RANBP17: variants seen among roughly 807,000 people sequenced by gnomAD.
RANBP17 encodes the protein RAN binding protein 17.
RANBP17 carries 158 observed loss-of-function variants against 141.2 expected under a neutral mutation model. The observed-to-expected ratio is 1.12, with a 90% CI of 0.98 to 1.28. RANBP17 has a LOEUF of 1.28. Ranked by LOEUF, RANBP17 falls within the 50% of genes most tolerant of loss-of-function variation. The pLI, the probability that RANBP17 is intolerant of heterozygous loss-of-function variation, is 0.00. For synonymous variants in RANBP17, 430 were observed against 450.0 expected, an observed-to-expected ratio of 0.96 and a Z score of 0.56; for missense variants, 1,438 against 1,290.7, an observed-to-expected ratio of 1.11 and a Z score of -1.75.
At chr5:171,181,019 C>A (rs928800721) in intron 16 of RANBP17, among the ~76,000 whole-genome samples, 5 of 152,172 alleles carry the variant, frequency 3.3e-5, no homozygotes, top group African/African-American at 9.7e-5. Context: ...TTGGTAATTA[C>A]TTAAGATATT....
intron 14 of RANBP17, among the ~76,000 whole-genome samples, chr5:171,161,871 TG>T (rs1224100116): frequency 6.6e-6 from 1 of 152,234 alleles, no homozygotes; most frequent in Non-Finnish European, 1.5e-5. Context: ...TGTTTCTGGC[TG>T]ACACCTTTAG....
At chr5:171,296,643 T>G in intron 27 of RANBP17, among the ~76,000 whole-genome samples, 1 of 152,250 alleles carries the variant, frequency 6.6e-6, no homozygotes, top group East Asian at 1.9e-4. Context: ...CTGGGCACAG[T>G]GGCTCACGCC....
At chr5:171,127,503 T>G (rs1266384661) in intron 14 of RANBP17, among the ~76,000 whole-genome samples, 1 of 152,080 alleles carries the variant, frequency 6.6e-6, no homozygotes, top group African/African-American at 2.4e-5. Flanking sequence ...GCAAGGAATG[T>G]AAACAACAGG....
chr5:170,947,730 G>A (rs993220065), intron 12 of RANBP17, among the ~76,000 whole-genome samples: 1 of 151,974 alleles, frequency 6.6e-6, no homozygotes, highest in Non-Finnish European at 1.5e-5. Context: ...TATCTAGTTG[G>A]GCATTTCTCT....
intron 1 of RANBP17, among the ~76,000 whole-genome samples, chr5:170,876,113 C>T (rs556902307): frequency 3.0e-4 from 46 of 152,140 alleles, no homozygotes; most frequent in Non-Finnish European, 5.4e-4. Flanking sequence ...GAGACAGGTG[C>T]CTGTTCCTTT....
At chr5:170,900,064 T>A (rs935396813) in intron 5 of RANBP17, among the ~76,000 whole-genome samples, 2 of 152,202 alleles carry the variant, frequency 1.3e-5, no homozygotes, top group Non-Finnish European at 2.9e-5. Context: ...TCTTTTTCTG[T>A]TGATTGAAAT....
intron 14 of RANBP17, among the ~76,000 whole-genome samples, chr5:170,982,113 A>G (rs1777815849): frequency 6.6e-6 from 1 of 152,228 alleles, no homozygotes; most frequent in Non-Finnish European, 1.5e-5. Context: ...TAGACACTTT[A>G]CAACTCTTAG....
chr5:171,202,003 T>A (rs966511192), intron 19 of RANBP17, among the ~76,000 whole-genome samples: 3 of 152,240 alleles, frequency 2.0e-5, no homozygotes, highest in Non-Finnish European at 4.4e-5. Flanking sequence ...CAAATTCATT[T>A]AATTTGCACC....
chr5:171,014,178 C>A (rs1423954609), intron 14 of RANBP17, among the ~76,000 whole-genome samples: 1 of 151,904 alleles, frequency 6.6e-6, no homozygotes, highest in African/African-American at 2.4e-5. Flanking sequence ...CATGGTATAT[C>A]TTTTTTTCAT....
At chr5:170,993,427 AAG>A (rs1411301321) in intron 14 of RANBP17, among the ~76,000 whole-genome samples, 1 of 152,050 alleles carries the variant, frequency 6.6e-6, no homozygotes, top group Non-Finnish European at 1.5e-5. Flanking sequence ...TTTTAAAGAA[AAG>A]TACTTGAGAC....
intron 14 of RANBP17, among the ~76,000 whole-genome samples, chr5:171,151,811 T>G (rs1215485063): frequency 1.3e-5 from 2 of 152,182 alleles, no homozygotes; most frequent in Admixed American, 1.3e-4. Context: ...TTGACATTTC[T>G]TTTCAATTGC....
intron 13 of RANBP17, among the ~76,000 whole-genome samples, chr5:170,957,761 T>A (rs1775833921): frequency 6.6e-6 from 1 of 152,184 alleles, no homozygotes; most frequent in Admixed American, 6.5e-5. Context: ...TGGGTTAGAT[T>A]AGCTTTGTTT....
intron 18 of RANBP17, among the ~76,000 whole-genome samples, chr5:171,191,546 G>A (rs1194589752): frequency 1.3e-5 from 2 of 152,108 alleles, no homozygotes; most frequent in Non-Finnish European, 2.9e-5. Context: ...AATTAGCCAG[G>A]CGTCATGGCG....
chr5:171,298,798 G>A lies in RANBP17; in HGVS notation c.3207G>A (p.Val1069=). Residue 1069 remains valine, a synonymous_variant, in exon 28 of 28, where the codon GTG becomes GTA. Coordinates refer to ENST00000523189, the MANE Select transcript of RANBP17 (RefSeq NM_022897.5). ...TQNLSVFRRD[V]AEALRSDGNT... ...ATCTGTCTGTATTCAGAAGAGATGT[G>A]GCAGAGGCGTTGCGCAGTGATGGCA... The A allele has an allele frequency of 6.2e-7, 1 of 1,614,170 alleles. No individual in the cohort carries two copies.
At chr5:171,029,299 T>C (rs149898060) in intron 14 of RANBP17, 32 of 152,940 alleles carry the variant, frequency 2.1e-4, no homozygotes, top group Admixed American at 2.1e-3. Context: ...CTGAAACAGA[T>C]AGGTATTTCT....
chr5:171,025,492 C>T (rs190010405), intron 14 of RANBP17, among the ~76,000 whole-genome samples: 4 of 151,874 alleles, frequency 2.6e-5, no homozygotes, highest in East Asian at 3.9e-4. Context: ...TTACTTAATT[C>T]CTGTTTTCTC....
intron 14 of RANBP17, among the ~76,000 whole-genome samples, chr5:171,086,633 A>G (rs1425311547): frequency 6.7e-6 from 1 of 149,174 alleles, no homozygotes; most frequent in Non-Finnish European, 1.5e-5. Context: ...TATTGCCACA[A>G]TTTCAGCTCC....
chr5:171,251,692 G>A (rs1221525795), intron 24 of RANBP17, among the ~76,000 whole-genome samples: 1 of 152,228 alleles, frequency 6.6e-6, no homozygotes. Flanking sequence ...CGGGCTCAGT[G>A]TGTGGGTCCG....
intron 14 of RANBP17, among the ~76,000 whole-genome samples, chr5:171,021,084 A>C (rs1780821777): frequency 6.6e-6 from 1 of 152,158 alleles, no homozygotes; most frequent in Admixed American, 6.5e-5. Context: ...TTTCTTGAAG[A>C]ATGTTGAATA....
Sources: gnomAD v4.1 joint callset for allele counts (sites outside exome capture counted in the v4.1 genomes callset) on GRCh38, gnomAD v4.1.1 for gene constraint, MANE v1.5 for transcripts, NCBI Gene and HGNC (gene_info 2026-07-23, HGNC 2026-07-21) for gene names.